KLHDC2: variants seen among roughly 807,000 people sequenced by gnomAD.
KLHDC2 encodes the protein kelch domain containing 2.
Under a neutral mutation model 62.3 loss-of-function variants are expected in KLHDC2, and 38 were observed. The observed-to-expected ratio is 0.61, with a 90% CI of 0.47 to 0.80. The LOEUF is 0.80. Among genes scored for constraint, KLHDC2 ranks in the 30% least tolerant of loss-of-function variants. The pLI is 0.00. For missense variants in KLHDC2, 430 were observed against 495.3 expected (o/e 0.87, Z 1.25); for synonymous variants, 159 against 161.0 (o/e 0.99, Z 0.09).
chr14:49,777,969 C>T lies in KLHDC2; in HGVS notation c.467+15C>T. 2.0e-6 allele frequency: 3 copies of T among 1,508,582 alleles called. No individual in the cohort carries two copies. The highest frequency in any genetic ancestry group is 2.8e-5 in the African/African-American group (2 of 72,664). 93.4% of individuals were successfully genotyped at this position (1,508,582 alleles called of 1,614,324 possible). A position where few individuals can be genotyped will look rare whatever the true frequency, so the allele number is the denominator to read the frequency against. On this transcript the variant is annotated intron_variant, in intron 4 of 12. Transcript: ENST00000298307. ...TATAAAAACAAGTAAGTTGGCAGCA[C>T]TACAGGTTTGGGTTTTTATGTGTAA...
Position 49,783,468 on chromosome 14 carries a change from A to G in KLHDC2, c.*515A>G, listed in dbSNP as rs1890011275. Reference sequence around the variant, plus strand: ...TTCAGTACTTTGACCTTAATGCTTCAGTGTAGGGGCTGGAGCAAGTGGTCA... The same window carrying G: ...TTCAGTACTTTGACCTTAATGCTTCGGTGTAGGGGCTGGAGCAAGTGGTCA... On this transcript the variant is annotated 3_prime_UTR_variant, in exon 13 of 13. Transcript: ENST00000298307. The G allele has an allele frequency of 6.6e-6, 1 of 152,144 alleles. No homozygotes were observed. Among genetic ancestry groups the G allele is most frequent in the African/African-American group, 2.4e-5 (1 of 41,410 alleles). The allele number at this position is 152,144 out of a possible 1,614,324, so 9.4% of individuals were successfully genotyped here. A position where few individuals can be genotyped will look rare whatever the true frequency, so the allele number is the denominator to read the frequency against.
intron 8 of KLHDC2, 125 bp from the exon 9 acceptor site, chr14:49,780,088 C>T: frequency 1.5e-6 from 1 of 669,800 alleles, no homozygotes; most frequent in South Asian, 1.9e-5. Flanking sequence ...TAGTTTATAC[C>T]AAGAAGCCTT....
At chr14:49,777,168 GT>G (rs1449015232) in intron 3 of KLHDC2, among the ~76,000 whole-genome samples, 1 of 152,138 alleles carries the variant, frequency 6.6e-6, no homozygotes, top group African/African-American at 2.4e-5. Context: ...AACACCATAT[GT>G]TCTCACTCAT....
At chr14:49,769,253 TAC>T (rs771806316) in intron 1 of KLHDC2, among the ~76,000 whole-genome samples, 1 of 152,174 alleles carries the variant, frequency 6.6e-6, no homozygotes, top group African/African-American at 2.4e-5. Flanking sequence ...TCAAATGAAC[TAC>T]AGAGTGCAGC....
intron 4 of KLHDC2, 69 bp downstream of exon 4, chr14:49,778,023 C>G (rs1172072912): frequency 5.8e-6 from 6 of 1,036,756 alleles, no homozygotes; most frequent in African/African-American, 1.6e-5. Context: ...TATCCTTAGC[C>G]AGTAAACATT....
In KLHDC2 at chr14:49,784,869, A is replaced by G. The variant is rs1329245596; in HGVS notation, c.*1916A>G. The G allele has an allele frequency of 6.7e-7, 1 of 1,493,452 alleles. No individual in the cohort carries two copies. Among genetic ancestry groups the G allele is most frequent in the Non-Finnish European group, 9.3e-7 (1 of 1,079,122 alleles). 92.5% of individuals were successfully genotyped at this position (1,493,452 alleles called of 1,614,324 possible). A position where few individuals can be genotyped will look rare whatever the true frequency, so the allele number is the denominator to read the frequency against. On this transcript the variant is annotated 3_prime_UTR_variant, in exon 13 of 13. Coordinates refer to ENST00000298307, the MANE Select transcript of KLHDC2 (RefSeq NM_014315.3). ...TCTACTAAAATAACAAAAAACTGCT[A>G]ACATTTTAAATTGTACTGTCAGTCT...
rs1890167598 is a variant in KLHDC2 at position 49,786,114 on chromosome 14, T to C, written c.*3161T>C. On this transcript the variant is annotated 3_prime_UTR_variant, in exon 13 of 13. Transcript: ENST00000298307. ...TAGTTTTCGTTGACACGATGAGGGG[T>C]GAGAAGGAATAGGTAGGGGCTGCTA... 6.6e-6 allele frequency: 1 copy of C among 152,440 alleles called. No homozygotes were observed. 9.4% of individuals were successfully genotyped at this position (152,440 alleles called of 1,614,324 possible). A position where few individuals can be genotyped will look rare whatever the true frequency, so the allele number is the denominator to read the frequency against.
Position 49,768,400 on chromosome 14 carries a change from C to A in KLHDC2, c.-69C>A. 1.3e-6 allele frequency: 2 copies of A among 1,538,556 alleles called. No individual in the cohort carries two copies. Among genetic ancestry groups the A allele is most frequent in the Non-Finnish European group, 8.8e-7 (1 of 1,135,080 alleles). On this transcript the variant is annotated 5_prime_UTR_variant, in exon 1 of 13. Transcript: ENST00000298307. Reference sequence around the variant, plus strand: ...GCCTCGCGCCGCTGTGCATTTCTCTCCTTTTCCTTTGTTTTTTTGGCCCCT... The same window carrying A: ...GCCTCGCGCCGCTGTGCATTTCTCTACTTTTCCTTTGTTTTTTTGGCCCCT...
At chr14:49,778,750 G>A (rs1378571226) in intron 6 of KLHDC2, among the ~76,000 whole-genome samples, 3 of 149,936 alleles carry the variant, frequency 2.0e-5, no homozygotes, top group Admixed American at 2.0e-4. Flanking sequence ...TTGAGACAGA[G>A]TCTCGCACTG....
Position 49,785,227 on chromosome 14 carries a change from T to A in KLHDC2, c.*2274T>A, listed in dbSNP as rs955479027. On this transcript the variant is annotated 3_prime_UTR_variant, in exon 13 of 13. Transcript: ENST00000298307. ...CAACTAATGGTAACTTACTTGTAGT[T>A]TGTCATGGTGGTGTAAGGGGCACAT... 1.9e-6 allele frequency: 3 copies of A among 1,613,028 alleles called. No individual in the cohort carries two copies. In the East Asian group the frequency reaches 6.7e-5, roughly 36 times the overall value.
chr14:49,771,743 C>T lies in KLHDC2; in HGVS notation c.233+70C>T, dbSNP rs151061633. 860 of 809,758 alleles carry T rather than the reference C, an allele frequency of 1.1e-3. 6 individuals carry two copies. In the African/African-American group the frequency reaches 0.012, roughly 11 times the overall value. The allele number at this position is 809,758 out of a possible 1,614,324, so 50.2% of individuals were successfully genotyped here. A position where few individuals can be genotyped will look rare whatever the true frequency, so the allele number is the denominator to read the frequency against. ...GCTGGGCACGGTGGCTGGCTCATGC[C>T]TATAATCCCAGCACTTTGGGAGGCC... On this transcript the variant is annotated intron_variant, in intron 2 of 12. Coordinates refer to ENST00000298307, the MANE Select transcript of KLHDC2 (RefSeq NM_014315.3).
Position 49,785,364 on chromosome 14 carries a change from C to G in KLHDC2, c.*2411C>G, listed in dbSNP as rs748915206. 8.8e-6 allele frequency: 12 copies of G among 1,364,700 alleles called. No individual in the cohort carries two copies. Among genetic ancestry groups the G allele is most frequent in the Middle Eastern group, 1.8e-4 (1 of 5,620 alleles). The allele number at this position is 1,364,700 out of a possible 1,614,324, so 84.5% of individuals were successfully genotyped here. A position where few individuals can be genotyped will look rare whatever the true frequency, so the allele number is the denominator to read the frequency against. On this transcript the variant is annotated 3_prime_UTR_variant, in exon 13 of 13. Transcript: ENST00000298307. ...AGTTACAAAGGCAATTTATACCGCC[C>G]TTTACAAAAAATGCTAAAACACTTG...
chr14:49,772,489 C>T, intron 2 of KLHDC2, among the ~76,000 whole-genome samples: 1 of 152,186 alleles, frequency 6.6e-6, no homozygotes, highest in East Asian at 1.9e-4. Context: ...TTTGCAGTTT[C>T]ATAACAGTAG....
chr14:49,770,777 G>T (rs117198517), intron 1 of KLHDC2, among the ~76,000 whole-genome samples: 682 of 152,318 alleles, frequency 4.5e-3, no homozygotes, highest in Non-Finnish European at 7.5e-3. Context: ...TCTGTGTTAG[G>T]AATTAATACC....
chr14:49,771,638 A>G lies in KLHDC2; in HGVS notation c.198A>G (p.Glu66=). 6.5e-7 allele frequency: 1 copy of G among 1,531,950 alleles called. No individual in the cohort carries two copies. Among genetic ancestry groups the G allele is most frequent in the Non-Finnish European group, 9.0e-7 (1 of 1,105,288 alleles). The allele number at this position is 1,531,950 out of a possible 1,614,324, so 94.9% of individuals were successfully genotyped here. Residue 66 remains glutamate, a synonymous_variant, in exon 2 of 13, where the codon GAA becomes GAG. Coordinates refer to ENST00000298307, the MANE Select transcript of KLHDC2 (RefSeq NM_014315.3). ...RGLYDFYLPR[E]ELWIYNMETG... ...TATATGACTTTTATCTGCCTAGAGA[A>G]GAACTATGGATCTACAACATGGAGA...
rs961384849 is a variant in KLHDC2, at chr14:49,772,012, G to A, written c.233+339G>A. Among the ~76,000 whole-genome samples, 7 of 152,166 alleles carry A rather than the reference G, an allele frequency of 4.6e-5. No individual in the cohort carries two copies. The East Asian group carries it at 1.4e-3, about 29-fold the overall frequency. On this transcript the variant is annotated intron_variant, in intron 2 of 12. Transcript: ENST00000298307. ...TCCAAAAACAAACAAATCAGATATG[G>A]CTGCAAAGAAAAAAATGTAAAACAC...
intron 3 of KLHDC2, among the ~76,000 whole-genome samples, chr14:49,777,371 A>G (rs1206235333): frequency 1.3e-5 from 2 of 152,120 alleles, no homozygotes; most frequent in East Asian, 3.8e-4. Context: ...GTAACCAAAC[A>G]CCACCTGTTC....
intron 1 of KLHDC2, among the ~76,000 whole-genome samples, chr14:49,770,614 C>T (rs996003278): frequency 3.9e-5 from 6 of 152,160 alleles, no homozygotes; most frequent in African/African-American, 1.4e-4. Context: ...GGATAGAATC[C>T]TGGCTCCATC....
chr14:49,778,343 T>TAATC (rs1889815463), intron 5 of KLHDC2, 68 bp from the exon 6 acceptor site: 1 of 1,330,132 alleles, frequency 7.5e-7, no homozygotes, highest in South Asian at 1.2e-5. Flanking sequence ...TTTTCTTTGG[T>TAATC]AATCAGGCAG....
Sources: allele counts gnomAD v4.1 joint callset (sites outside exome capture counted in the v4.1 genomes callset), GRCh38; gene constraint gnomAD v4.1.1; transcripts MANE v1.5; gene names NCBI Gene and HGNC (gene_info 2026-07-23, HGNC 2026-07-21).